The following MAGI1 variants were observed in gnomAD, a reference collection of about 807,000 sequenced individuals.
The protein encoded by MAGI1 is membrane-associated guanylate kinase, WW and PDZ domain-containing protein 1.
In MAGI1, 58 loss-of-function variants were observed where a neutral mutation model predicts 139.9. That is an observed-to-expected ratio of 0.41 (90% CI 0.34 to 0.52). MAGI1 has a LOEUF of 0.52. Ranked by LOEUF, MAGI1 falls within the 20% of genes least tolerant of loss-of-function variation. MAGI1 has a pLI of 0.12. For synonymous variants in MAGI1, 812 were observed against 737.9 expected, an observed-to-expected ratio of 1.10 and a Z score of -1.63; for missense variants, 1,874 against 1,901.6, an observed-to-expected ratio of 0.99 and a Z score of 0.27.
chr3:65,472,278 T>C (rs1051292412), intron 4 of MAGI1, among the ~76,000 whole-genome samples: 6 of 152,148 alleles, frequency 3.9e-5, no homozygotes, highest in African/African-American at 1.4e-4. Flanking sequence ...ATTTCTGGCA[T>C]ATCTTTGGAA....
At chr3:65,774,104 G>GT (rs2038180835) in intron 1 of MAGI1, among the ~76,000 whole-genome samples, 1 of 12,434 alleles carries the variant, frequency 8.0e-5, no homozygotes, top group Non-Finnish European at 1.9e-4. Context: ...CCACTGGCTA[G>GT]TTAAAAAAAA....
intron 2 of MAGI1, among the ~76,000 whole-genome samples, chr3:65,561,299 T>C (rs1317396276): frequency 2.0e-5 from 3 of 152,192 alleles, no homozygotes; most frequent in Non-Finnish European, 2.9e-5. Flanking sequence ...CCCCGTATTG[T>C]TGTATTTTCT....
intron 2 of MAGI1, among the ~76,000 whole-genome samples, chr3:65,552,659 C>T (rs532540503): frequency 2.6e-5 from 4 of 152,230 alleles, no homozygotes; most frequent in African/African-American, 9.6e-5. Flanking sequence ...TGAAAATGGG[C>T]CTCCTTTGAG....
chr3:65,684,181 A>G (rs1032100442), intron 1 of MAGI1, among the ~76,000 whole-genome samples: 5 of 150,176 alleles, frequency 3.3e-5, no homozygotes, highest in African/African-American at 1.2e-4. Context: ...AAAAAAAAAA[A>G]AAAAAGAAAA....
chr3:65,826,534 T>C (rs1035766891), intron 1 of MAGI1, among the ~76,000 whole-genome samples: 6 of 152,220 alleles, frequency 3.9e-5, no homozygotes, highest in African/African-American at 1.2e-4. Flanking sequence ...ACAAAACATA[T>C]ACAATTGAGA....
chr3:65,417,524 T>TC (rs1946315658), intron 12 of MAGI1, among the ~76,000 whole-genome samples: 1 of 151,834 alleles, frequency 6.6e-6, no homozygotes, highest in Non-Finnish European at 1.5e-5. Context: ...TTTCTTTTTT[T>TC]TTTTTAAAGC....
chr3:65,836,342 C>A (rs1292049087), intron 1 of MAGI1, among the ~76,000 whole-genome samples: 2 of 152,190 alleles, frequency 1.3e-5, no homozygotes, highest in African/African-American at 4.8e-5. Context: ...TCTAACTCTG[C>A]AGGCACAGTA....
At chr3:65,787,774 G>A (rs1301858939) in intron 1 of MAGI1, among the ~76,000 whole-genome samples, 6 of 151,916 alleles carry the variant, frequency 3.9e-5, no homozygotes, top group South Asian at 2.1e-4. Context: ...TGATAACACC[G>A]CTGAATGTTA....
rs1038868549 is a variant in MAGI1, at chr3:65,476,573, T to C, written c.757+2019A>G. Reference sequence around the variant, plus strand: ...CTTACAGTAAACTACCTCTACTTTGTTCCTTCTTTCTACCAAAAAATCTAT... The same window carrying C: ...CTTACAGTAAACTACCTCTACTTTGCTCCTTCTTTCTACCAAAAAATCTAT... On this transcript the variant is annotated intron_variant, in intron 4 of 22. Coordinates refer to ENST00000402939, the MANE Select transcript of MAGI1 (RefSeq NM_001033057.2). Among the ~76,000 whole-genome samples, 34 of 152,162 alleles carry C rather than the reference T, an allele frequency of 2.2e-4. 1 individual carries two copies.
chr3:65,618,204 G>A (rs1449462003), intron 2 of MAGI1, among the ~76,000 whole-genome samples: 7 of 152,172 alleles, frequency 4.6e-5, no homozygotes. Flanking sequence ...TTGAAGCGCA[G>A]AGTGGGAGGG....
chr3:65,414,162 AG>A (rs1946014021), intron 12 of MAGI1, among the ~76,000 whole-genome samples: 1 of 152,180 alleles, frequency 6.6e-6, no homozygotes, highest in Non-Finnish European at 1.5e-5. Flanking sequence ...ACAACTTGAA[AG>A]GAATTTTTGA....
intron 1 of MAGI1, among the ~76,000 whole-genome samples, chr3:65,990,988 A>G (rs2066139884): frequency 6.6e-6 from 1 of 151,930 alleles, no homozygotes. Flanking sequence ...CCCTGTCTCT[A>G]AAAAATAAAA....
chr3:65,397,542 T>C (rs1053268509), intron 13 of MAGI1, among the ~76,000 whole-genome samples: 4 of 151,920 alleles, frequency 2.6e-5, no homozygotes, highest in Non-Finnish European at 5.9e-5. Flanking sequence ...TTTTTTTTTT[T>C]TTAGTGAACA....
intron 17 of MAGI1, among the ~76,000 whole-genome samples, chr3:65,378,699 T>TA (rs1271848292): frequency 6.9e-6 from 1 of 144,956 alleles, no homozygotes; most frequent in African/African-American, 2.7e-5. Context: ...TTTTTTTTTT[T>TA]AAGACAGAGT....
chr3:65,667,216 G>A (rs1051247179), intron 1 of MAGI1, among the ~76,000 whole-genome samples: 4 of 152,204 alleles, frequency 2.6e-5, no homozygotes, highest in Non-Finnish European at 4.4e-5. Context: ...GGCCTTCAGG[G>A]ACAATTCAAA....
At chr3:65,691,251 C>T (rs1576752321) in intron 1 of MAGI1, among the ~76,000 whole-genome samples, 1 of 145,466 alleles carries the variant, frequency 6.9e-6, no homozygotes, top group East Asian at 2.1e-4. Context: ...TGCAGTGAGC[C>T]GAGATCGCGT....
chr3:65,602,573 T>C (rs995993769), intron 2 of MAGI1, among the ~76,000 whole-genome samples: 3 of 152,116 alleles, frequency 2.0e-5, no homozygotes, highest in Non-Finnish European at 4.4e-5. Flanking sequence ...TTAATGCATA[T>C]AGGGTTTCTT....
At chr3:65,506,589 A>G (rs2077296957) in intron 2 of MAGI1, among the ~76,000 whole-genome samples, 1 of 152,204 alleles carries the variant, frequency 6.6e-6, no homozygotes. Context: ...TTATCTTTCA[A>G]TAAGAAATCA....
chr3:65,590,979 C>A (rs1206333607), intron 2 of MAGI1, among the ~76,000 whole-genome samples: 1 of 152,174 alleles, frequency 6.6e-6, no homozygotes, highest in African/African-American at 2.4e-5. Flanking sequence ...CTAAAATGTG[C>A]ATTCTCTTTA....
Sources: gnomAD v4.1 joint callset for allele counts (sites outside exome capture counted in the v4.1 genomes callset) on GRCh38, gnomAD v4.1.1 for gene constraint, MANE v1.5 for transcripts, NCBI Gene and HGNC (gene_info 2026-07-23, HGNC 2026-07-21) for gene names.